The following NR5A2 variants were observed in gnomAD, a reference collection of about 807,000 sequenced individuals.
NR5A2 encodes CYP7A promoter-binding factor.
NR5A2 carries 26 observed loss-of-function variants against 62.7 expected under a neutral mutation model. The observed-to-expected ratio is 0.41, with a 90% confidence interval of 0.30 to 0.58. The LOEUF is 0.58. NR5A2 is among the 20% of genes least tolerant of loss of function. NR5A2 has a pLI of 0.22. For missense variants in NR5A2, 541 were observed against 669.1 expected, an observed-to-expected ratio of 0.81 and a Z score of 2.11; for synonymous variants, 246 against 241.7, an observed-to-expected ratio of 1.02 and a Z score of -0.16.
chr1:200,079,436 A>G (rs1664188695), intron 5 of NR5A2, among the ~76,000 whole-genome samples: 3 of 152,220 alleles, frequency 2.0e-5, no homozygotes, highest in Non-Finnish European at 4.4e-5. Flanking sequence ...GAGTAAAATC[A>G]AGGGCAGGGT....
intron 5 of NR5A2, among the ~76,000 whole-genome samples, chr1:200,066,949 C>T (rs1460822531): frequency 6.6e-6 from 1 of 152,220 alleles, no homozygotes; most frequent in Non-Finnish European, 1.5e-5. Flanking sequence ...CTTCCTTCTG[C>T]ATCACGTGTC....
chr1:200,131,946 C>G (rs1280139636), intron 7 of NR5A2, among the ~76,000 whole-genome samples: 1 of 152,194 alleles, frequency 6.6e-6, no homozygotes, highest in East Asian at 1.9e-4. Flanking sequence ...AACATTAAAT[C>G]ACACAAAATA....
At chr1:200,045,290 T>C (rs572992165) in intron 3 of NR5A2, among the ~76,000 whole-genome samples, 153 bp from the exon 4 acceptor site, 2 of 152,248 alleles carry the variant, frequency 1.3e-5, no homozygotes, top group South Asian at 2.1e-4. Flanking sequence ...TTTGGGAAGG[T>C]TGATGTTGCT....
intron 7 of NR5A2, among the ~76,000 whole-genome samples, chr1:200,140,160 CTTTAT>C (rs1667384726): frequency 6.6e-6 from 1 of 152,002 alleles, no homozygotes; most frequent in African/African-American, 2.4e-5. Flanking sequence ...GTATTTATTT[CTTTAT>C]ATCATTATTG....
intron 1 of NR5A2, chr1:200,038,852 G>A: frequency 2.2e-6 from 2 of 918,852 alleles, no homozygotes; most frequent in Non-Finnish European, 1.5e-6. Context: ...GAAGAGGTTG[G>A]GGCAGGCCGG....
chr1:200,138,746 T>A (rs1667329245), intron 7 of NR5A2, among the ~76,000 whole-genome samples: 1 of 152,180 alleles, frequency 6.6e-6, no homozygotes. Flanking sequence ...GGTCTCTTTC[T>A]GGACTTTCTA....
intron 4 of NR5A2, among the ~76,000 whole-genome samples, chr1:200,047,579 C>CTT (rs1264156507): frequency 9.5e-6 from 1 of 104,818 alleles, no homozygotes; most frequent in Non-Finnish European, 1.8e-5. Context: ...TGAAATATTT[C>CTT]TTTTCTTTTT....
intron 7 of NR5A2, among the ~76,000 whole-genome samples, chr1:200,167,546 T>C (rs1189643099): frequency 6.6e-6 from 1 of 152,144 alleles, no homozygotes; most frequent in African/African-American, 2.4e-5. Context: ...ACTAGTCCCT[T>C]CTACACACTT....
intron 6 of NR5A2, among the ~76,000 whole-genome samples, chr1:200,112,147 G>GTGACCCATAAGTTGCACT (rs1665983334): frequency 6.6e-6 from 1 of 152,122 alleles, no homozygotes; most frequent in South Asian, 2.1e-4. Context: ...GTGTTGCAGT[G>GTGACCCATAAGTTGCACT]TGACCCATAA....
chr1:200,137,233 C>T (rs932495724), intron 7 of NR5A2, among the ~76,000 whole-genome samples: 2 of 152,094 alleles, frequency 1.3e-5, no homozygotes, highest in Non-Finnish European at 2.9e-5. Context: ...TCTCTGCAAC[C>T]TCTGTCTCCC....
intron 2 of NR5A2, among the ~76,000 whole-genome samples, chr1:200,042,517 C>T (rs1209485338): frequency 6.6e-6 from 1 of 152,200 alleles, no homozygotes; most frequent in Non-Finnish European, 1.5e-5. Flanking sequence ...TCTGCCCGGC[C>T]GTGGCTTTCC....
chr1:200,089,425 G>A (rs1483835917), intron 5 of NR5A2, among the ~76,000 whole-genome samples: 1 of 151,872 alleles, frequency 6.6e-6, no homozygotes, highest in African/African-American at 2.4e-5. Context: ...CCAAAATGCT[G>A]GGATTACAAG....
rs1654325091 is a variant in NR5A2 at position 200,174,310 on chromosome 1, C to T, written c.*100C>T. The T allele has an allele frequency of 1.6e-6, 2 of 1,256,044 alleles. No individual in the cohort carries two copies. Among genetic ancestry groups the T allele is most frequent in the Non-Finnish European group, 2.1e-6 (2 of 958,148 alleles). 77.8% of individuals were successfully genotyped at this position (1,256,044 alleles called of 1,614,324 possible). A position where few individuals can be genotyped will look rare whatever the true frequency, so the allele number is the denominator to read the frequency against. Reference sequence around the variant, plus strand: ...AGAAAAAAAGTACTCTGAACTGCTCCAAGTAACGCTAATTAAAAACTTGCT... The same window carrying T: ...AGAAAAAAAGTACTCTGAACTGCTCTAAGTAACGCTAATTAAAAACTTGCT... On this transcript the variant is annotated 3_prime_UTR_variant, in exon 8 of 8. Coordinates refer to ENST00000367362, the MANE Select transcript of NR5A2 (RefSeq NM_205860.3).
intron 3 of NR5A2, among the ~76,000 whole-genome samples, chr1:200,044,995 AT>A (rs5780006): frequency 0.073 from 11,040 of 151,350 alleles, 425 homozygotes; most frequent in Middle Eastern, 0.19. Context: ...AAAAAAAAAA[AT>A]CTGAGGTGTT....
intron 7 of NR5A2, chr1:200,148,194 C>A: frequency 7.2e-6 from 2 of 276,780 alleles, no homozygotes; most frequent in Non-Finnish European, 1.3e-5. Context: ...GCAACCTGTC[C>A]GTTGGGCCTA....
At chr1:200,065,060 C>T (rs1260602080) in intron 5 of NR5A2, among the ~76,000 whole-genome samples, 1 of 152,084 alleles carries the variant, frequency 6.6e-6, no homozygotes, top group African/African-American at 2.4e-5. Flanking sequence ...GTTGGGGTTA[C>T]AGGCTTGATC....
chr1:200,080,260 C>G (rs1414896766), intron 5 of NR5A2, among the ~76,000 whole-genome samples: 1 of 152,006 alleles, frequency 6.6e-6, no homozygotes, highest in African/African-American at 2.4e-5. Context: ...AACCAGTCAC[C>G]CGAATTAACC....
chr1:200,046,780 A>C (rs761155661), intron 4 of NR5A2, among the ~76,000 whole-genome samples: 15 of 152,250 alleles, frequency 9.9e-5, no homozygotes, highest in Non-Finnish European at 1.9e-4. Flanking sequence ...TCAGAAGATA[A>C]GTAAATGTTG....
At chr1:200,144,348 A>T (rs1667593585) in intron 7 of NR5A2, among the ~76,000 whole-genome samples, 1 of 151,540 alleles carries the variant, frequency 6.6e-6, no homozygotes, top group Non-Finnish European at 1.5e-5. Context: ...TTTGTGTCTC[A>T]CCATTCTCCT....
Sources: gnomAD v4.1 joint callset for allele counts (sites outside exome capture counted in the v4.1 genomes callset) on GRCh38, gnomAD v4.1.1 for gene constraint, MANE v1.5 for transcripts, NCBI Gene and HGNC (gene_info 2026-07-23, HGNC 2026-07-21) for gene names.